ERVMER34-1: variants seen among roughly 807,000 people sequenced by gnomAD.
ERVMER34-1 encodes the protein endogenous retrovirus group MER34 member 1, envelope.
For missense variants in ERVMER34-1, 471 were observed against 295.1 expected, an observed-to-expected ratio of 1.60 and a Z score of -4.37; for synonymous variants, 199 against 111.7, an observed-to-expected ratio of 1.78 and a Z score of -4.93.
chr4:52,745,760 A>C lies in ERVMER34-1; in HGVS notation c.-240T>G. 1.9e-6 allele frequency: 1 copy of C among 530,546 alleles called. No homozygotes were observed. The allele number at this position is 530,546 out of a possible 1,614,324, so 32.9% of individuals were successfully genotyped here. On this transcript the variant is annotated 5_prime_UTR_variant, in exon 3 of 3. An upstream start codon of the reference 5' UTR is lost. Coordinates refer to ENST00000443173, the MANE Select transcript of ERVMER34-1 (RefSeq NM_001242690.2). ...AAAATTCCTCAATTTGAGGTAACCC[A>C]TAGCCTTGGCCTTCCAGTTGTCATA... is the stretch of plus-strand genomic sequence containing the variant.
Position 52,744,311 on chromosome 4 carries a change from G to T in ERVMER34-1, c.1210C>A (p.Gln404Lys), listed in dbSNP as rs1302101307. ...AMEQEFSATK[Q>K]TLEAHQSKVS... ...TTTGATTGGTGTGCTTCCAAGGTCT[G>T]CTTAGTGGCACTGAATTCCTGTTCC... The change falls in exon 3 of 3, where the codon CAG becomes AAG. Residue 404 changes from glutamine to lysine, a missense_variant. Gln to Lys is a moderately conservative substitution (Grantham distance 53, BLOSUM62 1). Transcript: ENST00000443173. 5.7e-6 allele frequency: 4 copies of T among 704,000 alleles called. No homozygotes were observed. Among genetic ancestry groups the T allele is most frequent in the Non-Finnish European group, 1.0e-5 (4 of 385,018 alleles). The allele number at this position is 704,000 out of a possible 1,614,324, so 43.6% of individuals were successfully genotyped here. A position where few individuals can be genotyped will look rare whatever the true frequency, so the allele number is the denominator to read the frequency against.
intron 2 of ERVMER34-1, among the ~76,000 whole-genome samples, chr4:52,750,001 A>C (rs145448468): frequency 0.022 from 3,293 of 151,918 alleles, 64 homozygotes; most frequent in African/African-American, 0.053. Context: ...AATTCTTCTT[A>C]TTATTATTAT....
rs1414513579 is a variant in ERVMER34-1 at position 52,744,216 on chromosome 4, C to T, written c.1305G>A (p.Thr435=). The T allele has an allele frequency of 2.4e-5, 17 of 703,910 alleles. No homozygotes were observed. Among genetic ancestry groups the T allele is most frequent in the Admixed American group, 6.0e-5 (3 of 49,980 alleles). 43.6% of individuals were successfully genotyped at this position (703,910 alleles called of 1,614,324 possible). Residue 435 remains threonine (T), a synonymous_variant, in exon 3 of 3, where the codon ACG becomes ACA. Coordinates refer to ENST00000443173, the MANE Select transcript of ERVMER34-1 (RefSeq NM_001242690.2). ...ACTGTTTGCCAACAGTTCCACAAGC[C>T]GTTTGTCGTTGGGTGGTCGGTATAT... ...VLDIPTTQRQ[T]ACGTVGKQCC...
chr4:52,745,415 A>G lies in ERVMER34-1; in HGVS notation c.106T>C (p.Ser36Pro), dbSNP rs1330080518. Residue 36 changes from serine (S) to proline (P), a missense_variant, in exon 3 of 3, where the codon TCT becomes CCT. Transcript: ENST00000443173. ...HLLAPVFRTL[S>P]ILTNQSNCWL... The stretch of plus-strand genomic sequence containing the variant: ...CAATTAGACTGATTAGTCAAGATAG[A>G]TAGTGTCCGGAAAACTGGAGCAAGC... 2.8e-6 allele frequency: 2 copies of G among 703,994 alleles called. No homozygotes were observed. The highest frequency in any genetic ancestry group is 5.2e-6 in the Non-Finnish European group (2 of 385,006). The allele number at this position is 703,994 out of a possible 1,614,324, so 43.6% of individuals were successfully genotyped here. A position where few individuals can be genotyped will look rare whatever the true frequency, so the allele number is the denominator to read the frequency against.
intron 2 of ERVMER34-1, among the ~76,000 whole-genome samples, chr4:52,746,721 T>C (rs1406248803): frequency 6.6e-6 from 1 of 152,034 alleles, no homozygotes. Flanking sequence ...GCAGTGTGGG[T>C]CTTGGAAGAC....
chr4:52,742,711 G>A lies in ERVMER34-1; in HGVS notation c.*1118C>T, dbSNP rs893369310. ...AGGTGGGCGGGTCATGAGGTCAGGA[G>A]ACTGAGACCATCCTGGCTAACACGG... On this transcript the variant is annotated 3_prime_UTR_variant, in exon 3 of 3. Transcript: ENST00000443173. The A allele has an allele frequency of 1.3e-5, 2 of 152,032 alleles. No homozygotes were observed. Among genetic ancestry groups the A allele is most frequent in the African/African-American group, 4.8e-5 (2 of 41,358 alleles). The allele number at this position is 152,032 out of a possible 1,614,324, so 9.4% of individuals were successfully genotyped here. A position where few individuals can be genotyped will look rare whatever the true frequency, so the allele number is the denominator to read the frequency against.
Position 52,745,328 on chromosome 4 carries a change from C to A in ERVMER34-1, c.193G>T (p.Ala65Ser). The A allele has an allele frequency of 1.4e-6, 1 of 704,056 alleles. No homozygotes were observed. Among genetic ancestry groups the A allele is most frequent in the Non-Finnish European group, 2.6e-6 (1 of 385,018 alleles). 43.6% of individuals were successfully genotyped at this position (704,056 alleles called of 1,614,324 possible). Residue 65 changes from alanine to serine, a missense_variant, in exon 3 of 3, where the codon GCA becomes TCA. Coordinates refer to ENST00000443173, the MANE Select transcript of ERVMER34-1 (RefSeq NM_001242690.2). Reference sequence around the variant, plus strand: ...CCAGAATAGGTCCACCAGGTGCTTGCACTGGCAGGAACAAAAACTAGTTCG... The same window carrying A: ...CCAGAATAGGTCCACCAGGTGCTTGAACTGGCAGGAACAAAAACTAGTTCG... The part of the protein sequence containing the change: ...QPELVFVPAS[A>S]STWWTYSGQW...
At position 52,745,387 on chromosome 4, in the gene ERVMER34-1, C is replaced by T. The variant is rs562222522; in HGVS notation, c.134G>A (p.Trp45Ter). The T allele has an allele frequency of 9.9e-6, 7 of 704,038 alleles. No homozygotes were observed. The highest frequency in any genetic ancestry group is 1.5e-5 in the South Asian group (1 of 67,604). 43.6% of individuals were successfully genotyped at this position (704,038 alleles called of 1,614,324 possible). The stretch of plus-strand genomic sequence containing the variant: ...TGCATTATCTAGATGTTCACATAAC[C>T]AGCAATTAGACTGATTAGTCAAGAT... ...LSILTNQSNC[W>*]LCEHLDNAEQ... Residue 45 changes from tryptophan (W) to a stop codon, truncating the protein, a stop_gained, in exon 3 of 3, where the codon TGG becomes TAG. Coordinates refer to ENST00000443173, the MANE Select transcript of ERVMER34-1 (RefSeq NM_001242690.2). LOFTEE classifies it low-confidence loss of function (END_TRUNC).
Position 52,744,655 on chromosome 4 carries a change from G to A in ERVMER34-1, c.866C>T (p.Thr289Ile), listed in dbSNP as rs1716101848. Residue 289 changes from threonine to isoleucine, a missense_variant, in exon 3 of 3, where the codon ACC (threonine) becomes ATC (isoleucine). By Grantham distance (89) the Thr-to-Ile change is moderately conservative (BLOSUM62 -1). Transcript: ENST00000443173. ...PTWWLTGSNL[T>I]LSVNNSGLFF... ...GAGGCCAGAGTTGTTCACAGACAAG[G>A]TCAGATTGGAACCTGTGAGCCACCA... 1 of 704,012 alleles carries A rather than the reference G, an allele frequency of 1.4e-6. No homozygotes were observed. The highest frequency in any genetic ancestry group is 2.0e-5 in the Admixed American group (1 of 49,990). 43.6% of individuals were successfully genotyped at this position (704,012 alleles called of 1,614,324 possible). A position where few individuals can be genotyped will look rare whatever the true frequency, so the allele number is the denominator to read the frequency against.
At chr4:52,750,106 C>G (rs1421236255) in intron 2 of ERVMER34-1, among the ~76,000 whole-genome samples, 2 of 152,168 alleles carry the variant, frequency 1.3e-5, no homozygotes, top group Non-Finnish European at 2.9e-5. Context: ...TCAAGCAATT[C>G]TCCTGCCTCA....
chr4:52,743,945 G>C lies in ERVMER34-1; in HGVS notation c.1576C>G (p.Leu526Val), dbSNP rs370470165. 70 of 1,121,352 alleles carry C rather than the reference G, an allele frequency of 6.2e-5. No individual in the cohort carries two copies. The highest frequency in any genetic ancestry group is 7.7e-5 in the Non-Finnish European group (59 of 767,066). 69.5% of individuals were successfully genotyped at this position (1,121,352 alleles called of 1,614,324 possible). ...GCTGATTGCTGTGGAGATAAGGCTA[G>C]GTTCAGAGGTTGGGAGTTAAGGGAT... ...RRSLNSQPLN[L>V]ALSPQQSAQL... The change falls in exon 3 of 3, where the codon CTA becomes GTA. Residue 526 changes from leucine (L) to valine (V), a missense_variant. By Grantham distance (32) the Leu-to-Val change is conservative (BLOSUM62 1). Transcript: ENST00000443173.
rs1716061219 is a variant in ERVMER34-1 at position 52,743,367 on chromosome 4, T to C, written c.*462A>G. The C allele has an allele frequency of 6.5e-6, 1 of 153,136 alleles. No homozygotes were observed. The allele number at this position is 153,136 out of a possible 1,614,324, so 9.5% of individuals were successfully genotyped here. A position where few individuals can be genotyped will look rare whatever the true frequency, so the allele number is the denominator to read the frequency against. ...GGACATAGTTTTGTGTATGTGTACA[T>C]TGGATTCTTCTACCTTCAACCAAAA... On this transcript the variant is annotated 3_prime_UTR_variant, in exon 3 of 3. Coordinates refer to ENST00000443173, the MANE Select transcript of ERVMER34-1 (RefSeq NM_001242690.2).
intron 2 of ERVMER34-1, among the ~76,000 whole-genome samples, chr4:52,749,695 C>T (rs369589833): frequency 1.1e-3 from 161 of 152,152 alleles, no homozygotes; most frequent in African/African-American, 3.5e-3. Context: ...CCCAGCTACT[C>T]GGGGGATCAC....
chr4:52,749,435 A>G (rs1276242474), intron 2 of ERVMER34-1, among the ~76,000 whole-genome samples: 5 of 152,120 alleles, frequency 3.3e-5, no homozygotes, highest in African/African-American at 1.2e-4. Flanking sequence ...TCCACATCAC[A>G]TGATTGCCTT....
chr4:52,744,474 C>T lies in ERVMER34-1; in HGVS notation c.1047G>A (p.Pro349=), dbSNP rs377731318. 1.4e-4 allele frequency: 99 copies of T among 703,916 alleles called. No individual in the cohort carries two copies. The highest frequency in any genetic ancestry group is 3.0e-4 in the Admixed American group (15 of 49,986). The allele number at this position is 703,916 out of a possible 1,614,324, so 43.6% of individuals were successfully genotyped here. ...CTGTGTCTCCTTGGGTGCATCTATGCGGTGTTACTTTATGAATGAAGGATC... is the reference window on the plus strand; with the variant it reads ...CTGTGTCTCCTTGGGTGCATCTATGTGGTGTTACTTTATGAATGAAGGATC... The part of the protein sequence containing the change: ...NLRSFIHKVT[P]HRCTQGDTDN... Residue 349 remains proline (P), a synonymous_variant, in exon 3 of 3, where the codon CCG becomes CCA. Transcript: ENST00000443173.
Sources: gnomAD v4.1 joint callset for allele counts (sites outside exome capture counted in the v4.1 genomes callset) on GRCh38, gnomAD v4.1.1 for gene constraint, MANE v1.5 for transcripts, NCBI Gene and HGNC (gene_info 2026-07-23, HGNC 2026-07-21) for gene names.